Variants in CALCR observed in about 807,000 individuals in gnomAD.
CALCR encodes the protein calcitonin receptor.
CALCR carries 47 observed loss-of-function variants against 59.5 expected under a neutral mutation model. The observed-to-expected ratio is 0.79, with a 90% confidence interval of 0.63 to 1.01. The LOEUF is 1.01. Among genes scored for constraint, CALCR ranks in the 50% least tolerant of loss-of-function variants. The pLI, the probability that CALCR is intolerant of heterozygous loss-of-function variation, is 0.00. For synonymous variants in CALCR, 213 were observed against 211.3 expected (o/e 1.01, Z -0.07); for missense variants, 566 against 597.1 (o/e 0.95, Z 0.54).
chr7:93,554,720 T>C (rs1208910981), intron 2 of CALCR, among the ~76,000 whole-genome samples: 1 of 146,098 alleles, frequency 6.8e-6, no homozygotes, highest in Non-Finnish European at 1.5e-5. Flanking sequence ...TTAGGATAAG[T>C]GCAGAATTCT....
intron 4 of CALCR, 71 bp from the exon 5 acceptor site, chr7:93,477,739 C>T (rs192514892): frequency 4.2e-5 from 39 of 939,436 alleles, no homozygotes; most frequent in African/African-American, 1.8e-4. Flanking sequence ...GATCCCAAGA[C>T]GATATTACAA....
At chr7:93,502,646 T>C (rs570745458) in intron 2 of CALCR, among the ~76,000 whole-genome samples, 4 of 152,108 alleles carry the variant, frequency 2.6e-5, no homozygotes, top group Admixed American at 6.6e-5. Context: ...CCAGATTTGA[T>C]TGTAGAAATG....
intron 2 of CALCR, among the ~76,000 whole-genome samples, chr7:93,554,081 A>T (rs182448050): frequency 2.0e-5 from 3 of 152,208 alleles, no homozygotes; most frequent in Non-Finnish European, 4.4e-5. Flanking sequence ...AGGGTCAGAG[A>T]TTAAACCTTC....
intron 8 of CALCR, among the ~76,000 whole-genome samples, chr7:93,448,137 G>A (rs776415923): frequency 4.6e-5 from 7 of 151,764 alleles, no homozygotes; most frequent in Non-Finnish European, 8.8e-5. Flanking sequence ...TCATTTTCAG[G>A]GTATACTTAA....
At chr7:93,532,398 G>A (rs1485221831) in intron 2 of CALCR, among the ~76,000 whole-genome samples, 1 of 152,014 alleles carries the variant, frequency 6.6e-6, no homozygotes, top group Non-Finnish European at 1.5e-5. Flanking sequence ...CCTGATATTT[G>A]TGCTGATGTT....
chr7:93,486,160 T>TG, intron 3 of CALCR, among the ~76,000 whole-genome samples: 1 of 151,586 alleles, frequency 6.6e-6, no homozygotes, highest in South Asian at 2.1e-4. Flanking sequence ...GTTACTCTGA[T>TG]GTGACAGAAA....
At chr7:93,486,410 T>C (rs1800945405) in intron 3 of CALCR, among the ~76,000 whole-genome samples, 2 of 151,530 alleles carry the variant, frequency 1.3e-5, no homozygotes, top group Admixed American at 1.3e-4. Flanking sequence ...TATAGAATAA[T>C]AGTGGTATAT....
At position 93,425,899 on chromosome 7, in the gene CALCR, T is replaced by C. The variant is rs1799515404; in HGVS notation, c.*457A>G. The C allele has an allele frequency of 1.3e-5, 2 of 154,356 alleles. No homozygotes were observed. Among genetic ancestry groups the C allele is most frequent in the African/African-American group, 4.8e-5 (2 of 41,450 alleles). 9.6% of individuals were successfully genotyped at this position (154,356 alleles called of 1,614,324 possible). A position where few individuals can be genotyped will look rare whatever the true frequency, so the allele number is the denominator to read the frequency against. On this transcript the variant is annotated 3_prime_UTR_variant, in exon 14 of 14. Transcript: ENST00000426151. Reference sequence around the variant, plus strand: ...GTAAAACATCTCAGTAACATCAGAATTGACTGAAATTTAAAAAAATTAAAA... The same window carrying C: ...GTAAAACATCTCAGTAACATCAGAACTGACTGAAATTTAAAAAAATTAAAA...
At chr7:93,547,584 A>G (rs1441517214) in intron 2 of CALCR, among the ~76,000 whole-genome samples, 1 of 152,196 alleles carries the variant, frequency 6.6e-6, no homozygotes, top group African/African-American at 2.4e-5. Flanking sequence ...ATGGACAGGA[A>G]AGCAGAGATA....
Position 93,495,929 on chromosome 7 carries a change from C to T in CALCR, c.-26-8922G>A, listed in dbSNP as rs1364163830. The T allele has an allele frequency of 2.2e-5, 34 of 1,528,682 alleles. No homozygotes were observed. In the East Asian group the frequency reaches 8.4e-4, roughly 38 times the overall value. 94.7% of individuals were successfully genotyped at this position (1,528,682 alleles called of 1,614,324 possible). A position where few individuals can be genotyped will look rare whatever the true frequency, so the allele number is the denominator to read the frequency against. Reference sequence around the variant, plus strand: ...CACTAATCTTCTCTCCAGAAAATTGCATCCTGGGGTGGCAAAAGTGGGTGG... The same window carrying T: ...CACTAATCTTCTCTCCAGAAAATTGTATCCTGGGGTGGCAAAAGTGGGTGG... On this transcript the variant is annotated intron_variant, in intron 2 of 13. Transcript: ENST00000426151.
intron 5 of CALCR, among the ~76,000 whole-genome samples, chr7:93,476,653 C>T (rs1482371477): frequency 6.6e-6 from 1 of 151,770 alleles, no homozygotes; most frequent in East Asian, 1.9e-4. Flanking sequence ...TGGCAAGAGC[C>T]CCATTGTTAC....
Position 93,487,024 on chromosome 7 carries a change from G to T in CALCR, c.-26-17C>A, listed in dbSNP as rs1368327963. The T allele has an allele frequency of 4.5e-6, 6 of 1,345,310 alleles. No individual in the cohort carries two copies. The highest frequency in any genetic ancestry group is 6.3e-6 in the Non-Finnish European group (6 of 948,106). 83.3% of individuals were successfully genotyped at this position (1,345,310 alleles called of 1,614,324 possible). A position where few individuals can be genotyped will look rare whatever the true frequency, so the allele number is the denominator to read the frequency against. On this transcript the variant is annotated splice_polypyrimidine_tract_variant and intron_variant, in intron 2 of 13. Coordinates refer to ENST00000426151, the MANE Select transcript of CALCR (RefSeq NM_001742.4). ...CTCTTTGTCCTAGAAAAATATAAAA[G>T]CAACAAAGACTAAAATTAATATATC...
intron 7 of CALCR, among the ~76,000 whole-genome samples, chr7:93,467,949 A>C (rs1413114324): frequency 2.6e-5 from 4 of 151,722 alleles, no homozygotes; most frequent in Non-Finnish European, 5.9e-5. Flanking sequence ...TGTCTAAAAA[A>C]AAAATACACA....
chr7:93,468,957 T>A, intron 6 of CALCR, 151 bp from the exon 7 acceptor site: 2 of 479,602 alleles, frequency 4.2e-6, no homozygotes, highest in South Asian at 8.8e-5. Flanking sequence ...GATAGTGAAA[T>A]TAATTTTTAG....
At chr7:93,565,781 T>C (rs138621570) in intron 2 of CALCR, among the ~76,000 whole-genome samples, 89 of 152,346 alleles carry the variant, frequency 5.8e-4, no homozygotes, top group Admixed American at 2.3e-3. Flanking sequence ...CATGAACTTC[T>C]GTGAATCTTG....
At chr7:93,522,404 T>C (rs969835694) in intron 2 of CALCR, among the ~76,000 whole-genome samples, 3 of 152,206 alleles carry the variant, frequency 2.0e-5, no homozygotes, top group African/African-American at 4.8e-5. Flanking sequence ...ACTTCGTTTT[T>C]GGCCCTCTAG....
chr7:93,452,091 C>T (rs1230036879), intron 8 of CALCR, among the ~76,000 whole-genome samples: 1 of 151,940 alleles, frequency 6.6e-6, no homozygotes, highest in African/African-American at 2.4e-5. Flanking sequence ...ACCTGAGTGA[C>T]AGGACCTGTA....
At chr7:93,571,628 G>A (rs189329008) in intron 2 of CALCR, among the ~76,000 whole-genome samples, 1 of 152,162 alleles carries the variant, frequency 6.6e-6, no homozygotes, top group East Asian at 1.9e-4. Flanking sequence ...AAATGCTGCT[G>A]TTAAGTTGTA....
At chr7:93,466,702 T>C (rs934759641) in intron 7 of CALCR, among the ~76,000 whole-genome samples, 3 of 151,842 alleles carry the variant, frequency 2.0e-5, no homozygotes, top group Non-Finnish European at 4.4e-5. Flanking sequence ...TTCTTAGAAC[T>C]GAGAGACGGT....
Sources: allele counts gnomAD v4.1 joint callset (sites outside exome capture counted in the v4.1 genomes callset), GRCh38; gene constraint gnomAD v4.1.1; transcripts MANE v1.5; gene names NCBI Gene and HGNC (gene_info 2026-07-23, HGNC 2026-07-21).